The following GRID2 variants were observed in gnomAD, a reference collection of about 807,000 sequenced individuals.
GRID2 encodes glutamate ionotropic receptor delta type subunit 2, also known as glutamate receptor ionotropic, delta-2.
In GRID2, 33 loss-of-function variants were observed where a neutral mutation model predicts 114.8. The observed-to-expected ratio is 0.29, with a 90% CI of 0.22 to 0.38. The LOEUF (loss-of-function observed/expected upper bound fraction) is 0.38. Among genes scored for constraint, GRID2 ranks in the 10% least tolerant of loss-of-function variants. The pLI is 1.00. For synonymous variants in GRID2, 505 were observed against 449.9 expected (o/e 1.12, Z -1.55); for missense variants, 1,184 against 1,257.7 (o/e 0.94, Z 0.89).
chr4:93,050,512 GTGT>G (rs1726596883), intron 2 of GRID2, among the ~76,000 whole-genome samples: 1 of 19,598 alleles, frequency 5.1e-5, no homozygotes, highest in East Asian at 1.1e-3. Flanking sequence ...AATACCTGGT[GTGT>G]GTGTGTGTGT....
At chr4:92,803,733 A>G (rs961869894) in intron 2 of GRID2, among the ~76,000 whole-genome samples, 1 of 152,002 alleles carries the variant, frequency 6.6e-6, no homozygotes, top group Non-Finnish European at 1.5e-5. Context: ...AATTGCTTTT[A>G]TTGCATTGAA....
At chr4:92,414,233 C>T (rs1186258816) in intron 1 of GRID2, among the ~76,000 whole-genome samples, 1 of 152,082 alleles carries the variant, frequency 6.6e-6, no homozygotes, top group African/African-American at 2.4e-5. Context: ...AGCATCTTCT[C>T]TTACAGTGAG....
chr4:93,419,243 C>T (rs1357147749), intron 9 of GRID2, among the ~76,000 whole-genome samples: 1 of 151,828 alleles, frequency 6.6e-6, no homozygotes, highest in East Asian at 1.9e-4. Context: ...ATATCTATGA[C>T]TTAACACCAT....
At chr4:92,596,480 C>T (rs1295417537) in intron 2 of GRID2, among the ~76,000 whole-genome samples, 1 of 152,010 alleles carries the variant, frequency 6.6e-6, no homozygotes, top group Non-Finnish European at 1.5e-5. Flanking sequence ...CCCTGTTTTC[C>T]TCTATGAGGG....
Position 92,979,693 on chromosome 4 carries a change from T to C in GRID2, c.245-105302T>C, listed in dbSNP as rs1366327105. ...GATGCACAGAAAGGTTAATATCAAG[T>C]GTGAACCCAGCTTACAAGCCATAGT... On this transcript the variant is annotated intron_variant, in intron 2 of 15. Transcript: ENST00000282020. 5.3e-5 allele frequency among the ~76,000 whole-genome samples: 8 copies of C among 152,240 alleles called. No individual in the cohort carries two copies. The East Asian group carries it at 1.5e-3, about 29-fold the overall frequency.
At position 93,300,029 on chromosome 4, in the gene GRID2, G is replaced by A. The variant is rs141062688; in HGVS notation, c.1245+61539G>A. Among the ~76,000 whole-genome samples, 1,131 of 152,120 alleles carry A rather than the reference G, an allele frequency of 7.4e-3. 13 individuals carry two copies. Among genetic ancestry groups the A allele is most frequent in the Middle Eastern group, 0.01 (3 of 294 alleles). ...TTGCATATAACCTACATGCATTCTC[G>A]TGTACACTTTAAATCATCTCTAAAT... On this transcript the variant is annotated intron_variant, in intron 8 of 15. Coordinates refer to ENST00000282020, the MANE Select transcript of GRID2 (RefSeq NM_001510.4).
At chr4:92,598,216 A>G (rs1729042983) in intron 2 of GRID2, among the ~76,000 whole-genome samples, 1 of 152,162 alleles carries the variant, frequency 6.6e-6, no homozygotes, top group Admixed American at 6.6e-5. Context: ...GAAAAAAAAG[A>G]AAATGAATCC....
At chr4:93,663,089 C>T (rs759056733) in intron 14 of GRID2, among the ~76,000 whole-genome samples, 4 of 152,206 alleles carry the variant, frequency 2.6e-5, no homozygotes, top group Admixed American at 1.3e-4. Flanking sequence ...AACTTTGAAA[C>T]GGTTTGATTT....
intron 8 of GRID2, among the ~76,000 whole-genome samples, chr4:93,269,095 C>T (rs1751153333): frequency 1.3e-5 from 2 of 152,078 alleles, no homozygotes; most frequent in South Asian, 2.1e-4. Flanking sequence ...TTCAGGGTCA[C>T]ATCCAGGCAT....
intron 13 of GRID2, among the ~76,000 whole-genome samples, chr4:93,558,110 C>G (rs1262243110): frequency 2.6e-5 from 4 of 152,088 alleles, no homozygotes; most frequent in African/African-American, 9.7e-5. Flanking sequence ...AAATTTATAG[C>G]ACTAAATGCC....
At chr4:93,426,280 C>T (rs1343174774) in intron 10 of GRID2, among the ~76,000 whole-genome samples, 3 of 152,086 alleles carry the variant, frequency 2.0e-5, no homozygotes, top group East Asian at 1.9e-4. Flanking sequence ...TTATTAAAAC[C>T]GTGCCCCTTC....
At chr4:92,802,798 G>C (rs549550871) in intron 2 of GRID2, among the ~76,000 whole-genome samples, 5 of 151,900 alleles carry the variant, frequency 3.3e-5, no homozygotes, top group African/African-American at 1.2e-4. Flanking sequence ...ATGCCTCCAC[G>C]ATATGTTGCT....
chr4:93,180,757 A>G, intron 4 of GRID2, among the ~76,000 whole-genome samples: 1 of 152,162 alleles, frequency 6.6e-6, no homozygotes, highest in Non-Finnish European at 1.5e-5. Flanking sequence ...CATTCACTAG[A>G]TTCAATGCTT....
intron 2 of GRID2, among the ~76,000 whole-genome samples, chr4:92,981,496 A>G (rs942530415): frequency 1.6e-4 from 24 of 152,012 alleles, no homozygotes; most frequent in Non-Finnish European, 4.4e-5. Context: ...AATAGTTCAA[A>G]AGTTTTAATC....
At position 92,460,032 on chromosome 4, in the gene GRID2, C is replaced by CTCTATATATATATATATATA. The variant is rs749790235; in HGVS notation, c.89-130098_89-130097insCTATATATATATATATATAT. 1.8e-3 allele frequency among the ~76,000 whole-genome samples: 89 copies of CTCTATATATATATATATATA among 48,336 alleles called. 1 individual carries two copies. Among genetic ancestry groups the CTCTATATATATATATATATA allele is most frequent in the East Asian group, 5.7e-3 (3 of 530 alleles). 31.7% of individuals were successfully genotyped at this position (48,336 alleles called of 152,430 possible). On this transcript the variant is annotated intron_variant, in intron 1 of 15. Transcript: ENST00000282020. ...AGCCCATTCCTTAAAATAAATCTCACTATATATATATATATATATATACAC... is the reference window on the plus strand; with the variant it reads ...AGCCCATTCCTTAAAATAAATCTCACTCTATATATATATATATATATATATATATATATATATATATACAC...
intron 9 of GRID2, among the ~76,000 whole-genome samples, chr4:93,404,796 G>T (rs187952884): frequency 6.6e-6 from 1 of 152,086 alleles, no homozygotes; most frequent in Admixed American, 6.6e-5. Flanking sequence ...AAGAGGGAAG[G>T]GATATCCAGC....
intron 13 of GRID2, among the ~76,000 whole-genome samples, chr4:93,625,693 A>G (rs1578427023): frequency 6.6e-6 from 1 of 152,206 alleles, no homozygotes; most frequent in Admixed American, 6.5e-5. Flanking sequence ...AGGCGGGCGG[A>G]TTACGAGGTC....
At chr4:93,803,896 C>CA (rs1279141044) in intron 1 of GRID2, among the ~76,000 whole-genome samples, 1 of 152,092 alleles carries the variant, frequency 6.6e-6, no homozygotes, top group Non-Finnish European at 1.5e-5. Flanking sequence ...AGATTAAAAA[C>CA]AAAAATGTAA....
At chr4:92,568,684 A>G (rs1016503763) in intron 1 of GRID2, among the ~76,000 whole-genome samples, 5 of 152,122 alleles carry the variant, frequency 3.3e-5, no homozygotes, top group Middle Eastern at 3.4e-3. Context: ...TATTAAGCCT[A>G]GTACCCATTA....
Sources: allele counts gnomAD v4.1 joint callset (sites outside exome capture counted in the v4.1 genomes callset), GRCh38; gene constraint gnomAD v4.1.1; transcripts MANE v1.5; gene names NCBI Gene and HGNC (gene_info 2026-07-23, HGNC 2026-07-21).